Variants in ANKFY1 observed in about 807,000 individuals in gnomAD.
The protein encoded by ANKFY1 is ankyrin repeat and FYVE domain-containing protein 1.
In ANKFY1, 47 loss-of-function variants were observed where a neutral mutation model predicts 128.3. The ratio of observed to expected loss-of-function variants is 0.37; its 90% CI spans 0.29 to 0.47. The LOEUF (loss-of-function observed/expected upper bound fraction) is 0.47. ANKFY1 is among the 20% of genes least tolerant of loss of function. ANKFY1 has a pLI of 1.00. For missense variants in ANKFY1, 1,222 were observed against 1,510.6 expected (o/e 0.81, Z 3.17); for synonymous variants, 553 against 601.6 (o/e 0.92, Z 1.18).
At position 4,206,197 on chromosome 17, in the gene ANKFY1, T is replaced by C. The variant is rs777979385; in HGVS notation, c.898+124A>G. On this transcript the variant is annotated intron_variant, in intron 7 of 24. Coordinates refer to ENST00000341657, the MANE Select transcript of ANKFY1 (RefSeq NM_001330063.2). ...GACCCAATGATCAAATTCTAGATCA[T>C]GTAGCCTGTGAGTACAGACTACAGA... 57 of 1,028,094 alleles carry C rather than the reference T, an allele frequency of 5.5e-5. 1 individual carries two copies. The highest frequency in any genetic ancestry group is 7.4e-5 in the Non-Finnish European group (52 of 700,196). 63.7% of individuals were successfully genotyped at this position (1,028,094 alleles called of 1,614,324 possible).
chr17:4,244,660 A>G (rs868123014), intron 1 of ANKFY1, among the ~76,000 whole-genome samples: 1 of 152,026 alleles, frequency 6.6e-6, no homozygotes, highest in Admixed American at 6.6e-5. Flanking sequence ...GCTACTGCCA[A>G]TAACTCCCAC....
In ANKFY1 at chr17:4,167,503, AG is replaced by A. The variant is rs1350085687; in HGVS notation, c.*275del. 29 of 295,074 alleles carry A rather than the reference AG, an allele frequency of 9.8e-5. No homozygotes were observed. In the East Asian group the frequency reaches 1.6e-3, roughly 17 times the overall value. 18.3% of individuals were successfully genotyped at this position (295,074 alleles called of 1,614,324 possible). A position where few individuals can be genotyped will look rare whatever the true frequency, so the allele number is the denominator to read the frequency against. ...CCTGTATGTTGCTAGCAGAATGGGGAGAGGTCTAATTCCTAATCACATTTAC... is the reference window on the plus strand; with the variant it reads ...CCTGTATGTTGCTAGCAGAATGGGGAAGGTCTAATTCCTAATCACATTTAC... On this transcript the variant is annotated 3_prime_UTR_variant, in exon 25 of 25. Transcript: ENST00000341657. The surrounding 1 kb of genome is among the most constrained non-coding windows in gnomAD (Gnocchi z 4.1).
At chr17:4,251,034 G>A (rs1967798909) in intron 1 of ANKFY1, among the ~76,000 whole-genome samples, 1 of 152,212 alleles carries the variant, frequency 6.6e-6, no homozygotes, top group African/African-American at 2.4e-5. Context: ...ACTCAAGGCT[G>A]TGTATAAAGC....
Position 4,173,365 on chromosome 17 carries a change from G to A in ANKFY1, c.3003C>T (p.Ala1001=). ...CCCAACGCGCTCACCTGAGATTAAAGGCTTCGGCGTCCACTGTGCACTCTG... is the reference window on the plus strand; with the variant it reads ...CCCAACGCGCTCACCTGAGATTAAAAGCTTCGGCGTCCACTGTGCACTCTG... ...LLTECTVDAE[A]FNLRGQSPLH... The change falls in exon 21 of 25, where the codon GCC becomes GCT. Residue 1001 remains alanine, a synonymous_variant. Transcript: ENST00000341657. 3 of 1,614,160 alleles carry A rather than the reference G, an allele frequency of 1.9e-6. No homozygotes were observed. The highest frequency in any genetic ancestry group is 1.6e-4 in the Middle Eastern group (1 of 6,062).
At chr17:4,185,353 G>A (rs973302684) in intron 11 of ANKFY1, among the ~76,000 whole-genome samples, 24 of 152,052 alleles carry the variant, frequency 1.6e-4, no homozygotes, top group Admixed American at 1.5e-3. Context: ...TTACAGGCAC[G>A]CACCACCACA....
Position 4,198,428 on chromosome 17 carries a change from G to A in ANKFY1, c.899-851C>T, listed in dbSNP as rs552307464. On this transcript the variant is annotated intron_variant, in intron 7 of 24. Transcript: ENST00000341657. The stretch of plus-strand genomic sequence containing the variant: ...GCTCTGTCACCCAGGCTGGAGTGCC[G>A]TGGTGCAATCTCAGCTCACTGCAAC... 2.7e-4 allele frequency among the ~76,000 whole-genome samples: 41 copies of A among 150,166 alleles called. No homozygotes were observed. In the East Asian group the frequency reaches 6.5e-3, roughly 24 times the overall value.
At chr17:4,199,780 T>A (rs2059894090) in intron 7 of ANKFY1, among the ~76,000 whole-genome samples, 1 of 152,234 alleles carries the variant, frequency 6.6e-6, no homozygotes, top group African/African-American at 2.4e-5. Context: ...CAAGTTAACT[T>A]GGAGGATGAC....
intron 10 of ANKFY1, among the ~76,000 whole-genome samples, chr17:4,194,101 A>ATTT (rs1470223065): frequency 7.5e-5 from 7 of 93,340 alleles, no homozygotes; most frequent in African/African-American, 3.8e-4. Flanking sequence ...ATATATATAT[A>ATTT]TATTTTTTTT....
rs761238296 is a variant in ANKFY1 at position 4,183,902 on chromosome 17, G to C, written c.1708C>G (p.Leu570Val). 1.2e-6 allele frequency: 2 copies of C among 1,612,378 alleles called. No individual in the cohort carries two copies. The highest frequency in any genetic ancestry group is 1.1e-5 in the South Asian group (1 of 91,032). Residue 570 changes from leucine to valine, a missense_variant, in exon 13 of 25, where the codon CTT (leucine) becomes GTT (valine). Leu to Val is a conservative substitution (Grantham distance 32). Coordinates refer to ENST00000341657, the MANE Select transcript of ANKFY1 (RefSeq NM_001330063.2). ...SVILEQKANA[L>V]HATNNLQIIP... ...ATCTGCAAGTTGTTGGTGGCATGAAGAGCATTGGCTAAATGTTTGAAAAAG... is the reference window on the plus strand; with the variant it reads ...ATCTGCAAGTTGTTGGTGGCATGAACAGCATTGGCTAAATGTTTGAAAAAG...
Position 4,223,942 on chromosome 17 carries a change from A to C in ANKFY1, c.323-6824T>G, listed in dbSNP as rs144621334. 3.3e-4 allele frequency: 186 copies of C among 565,828 alleles called. 1 individual carries two copies. Among genetic ancestry groups the C allele is most frequent in the African/African-American group, 3.1e-3 (165 of 53,642 alleles). 35.1% of individuals were successfully genotyped at this position (565,828 alleles called of 1,614,324 possible). ...GTCTTCCAGAACACTGTGCCTCAGC[A>C]ATGCTTTAGAATCTGAACTTTTTAA... is the stretch of plus-strand genomic sequence containing the variant. On this transcript the variant is annotated intron_variant, in intron 3 of 24. Coordinates refer to ENST00000341657, the MANE Select transcript of ANKFY1 (RefSeq NM_001330063.2).
rs887571814 is a variant in ANKFY1, at chr17:4,166,685, C to T, written c.*1094G>A. ...CTACACAGAACTGGGACCAACAGCA[C>T]TCGCAGCATCACTAGGGAGGATTTC... On this transcript the variant is annotated 3_prime_UTR_variant, in exon 25 of 25. Coordinates refer to ENST00000341657, the MANE Select transcript of ANKFY1 (RefSeq NM_001330063.2). 1 of 152,304 alleles carries T rather than the reference C, an allele frequency of 6.6e-6. No individual in the cohort carries two copies. The highest frequency in any genetic ancestry group is 1.5e-5 in the Non-Finnish European group (1 of 68,074). 9.4% of individuals were successfully genotyped at this position (152,304 alleles called of 1,614,324 possible).
At chr17:4,251,428 A>G (rs1488361893) in intron 1 of ANKFY1, among the ~76,000 whole-genome samples, 1 of 152,004 alleles carries the variant, frequency 6.6e-6, no homozygotes, top group Non-Finnish European at 1.5e-5. Context: ...CCAGCCTGGG[A>G]AACCCCATCT....
intron 1 of ANKFY1, among the ~76,000 whole-genome samples, chr17:4,244,005 A>G (rs1967398018): frequency 6.7e-6 from 1 of 149,858 alleles, no homozygotes; most frequent in South Asian, 2.1e-4. Flanking sequence ...ATCTTGGCTT[A>G]CTGCAACCTC....
chr17:4,253,772 C>A (rs1309245731), intron 1 of ANKFY1, among the ~76,000 whole-genome samples: 5 of 152,122 alleles, frequency 3.3e-5, no homozygotes, highest in Non-Finnish European at 7.3e-5. Flanking sequence ...ATGTGGCATG[C>A]GTGGTCTTTG....
Position 4,176,143 on chromosome 17 carries a change from G to A in ANKFY1, c.2775+983C>T, listed in dbSNP as rs968992413. Among the ~76,000 whole-genome samples the A allele has an allele frequency of 6.6e-5, 10 of 152,274 alleles. No homozygotes were observed. The South Asian group carries it at 1.9e-3, about 28-fold the overall frequency. On this transcript the variant is annotated intron_variant, in intron 19 of 24. Coordinates refer to ENST00000341657, the MANE Select transcript of ANKFY1 (RefSeq NM_001330063.2). ...GTTCACACTCACTGCCACGGCCTCC[G>A]CTCGGTCTCGTCACTGGTGAGCCCG...
At chr17:4,207,864 A>G (rs1272756025) in intron 6 of ANKFY1, 69 bp downstream of exon 6, 1 of 1,445,490 alleles carries the variant, frequency 6.9e-7, no homozygotes, top group Non-Finnish European at 9.2e-7. Flanking sequence ...GGAAGTGAGA[A>G]GTACCACGGA....
chr17:4,218,913 G>C (rs2060264910), intron 3 of ANKFY1, among the ~76,000 whole-genome samples: 2 of 151,964 alleles, frequency 1.3e-5, no homozygotes, highest in Non-Finnish European at 2.9e-5. Context: ...CTTGCTTTTT[G>C]TTAAGATACA....
intron 3 of ANKFY1, chr17:4,223,355 A>G (rs547353958): frequency 3.2e-6 from 5 of 1,581,934 alleles, no homozygotes; most frequent in African/African-American, 1.3e-5. Context: ...CCTGGTACAC[A>G]TGGCTATTCA....
intron 4 of ANKFY1, 114 bp from the exon 5 acceptor site, chr17:4,210,061 G>T (rs1189260302): frequency 4.2e-6 from 4 of 950,282 alleles, no homozygotes; most frequent in Non-Finnish European, 6.1e-6. Flanking sequence ...AACACTATGG[G>T]ATAAGGTTAA....
Sources: gnomAD v4.1 joint callset for allele counts (sites outside exome capture counted in the v4.1 genomes callset) on GRCh38, gnomAD v4.1.1 for gene constraint, Gnocchi (gnomAD v3.1) non-coding constraint, MANE v1.5 for transcripts, NCBI Gene and HGNC (gene_info 2026-07-23, HGNC 2026-07-21) for gene names.